Variants in AKR1D1 observed in about 807,000 individuals in gnomAD.
AKR1D1 encodes the protein delta(4)-3-ketosteroid 5-beta-reductase.
A neutral mutation model predicts 42.6 loss-of-function variants in AKR1D1; 32 were observed. The observed-to-expected ratio is 0.75, with a 90% confidence interval of 0.57 to 1.01. The LOEUF is 1.01. AKR1D1 is among the 50% of genes least tolerant of loss of function. The pLI is 0.00. For synonymous variants in AKR1D1, 123 were observed against 135.5 expected, an observed-to-expected ratio of 0.91 and a Z score of 0.64; for missense variants, 364 against 402.2, an observed-to-expected ratio of 0.91 and a Z score of 0.81.
intron 3 of AKR1D1, among the ~76,000 whole-genome samples, chr7:138,093,960 A>ATTT (rs1794136425): frequency 6.6e-6 from 1 of 152,204 alleles, no homozygotes; most frequent in Admixed American, 6.5e-5. Context: ...AAATGTCATT[A>ATTT]TGCAGCACAT....
At chr7:138,114,326 C>G (rs1794591747) in intron 8 of AKR1D1, among the ~76,000 whole-genome samples, 1 of 152,102 alleles carries the variant, frequency 6.6e-6, no homozygotes, top group Admixed American at 6.6e-5. Flanking sequence ...TTCAGCTAAC[C>G]AACTGAAGTA....
rs1359767729 is a variant in AKR1D1, at chr7:138,117,806, T to A, written c.*1144T>A. The A allele has an allele frequency of 6.6e-6, 1 of 151,896 alleles. No homozygotes were observed. The highest frequency in any genetic ancestry group is 1.9e-4 in the East Asian group (1 of 5,170). The allele number at this position is 151,896 out of a possible 1,614,324, so 9.4% of individuals were successfully genotyped here. Reference sequence around the variant, plus strand: ...AGGCCAAGGTGGGCAGATCAGGAGGTCAGGAGATCGAGACCATCTTGGCTA... The same window carrying A: ...AGGCCAAGGTGGGCAGATCAGGAGGACAGGAGATCGAGACCATCTTGGCTA... On this transcript the variant is annotated 3_prime_UTR_variant, in exon 9 of 9. Coordinates refer to ENST00000242375, the MANE Select transcript of AKR1D1 (RefSeq NM_005989.4).
intron 4 of AKR1D1, among the ~76,000 whole-genome samples, chr7:138,099,992 C>T (rs779892264): frequency 4.9e-5 from 7 of 141,936 alleles, no homozygotes; most frequent in Non-Finnish European, 1.1e-4. Context: ...GTGGGAGGAC[C>T]ACTTGAGGCC....
intron 1 of AKR1D1, among the ~76,000 whole-genome samples, chr7:138,082,694 C>T (rs1219104972): frequency 6.6e-6 from 1 of 152,164 alleles, no homozygotes; most frequent in Non-Finnish European, 1.5e-5. Context: ...CAGCCTCAAG[C>T]TTATTTCTTT....
rs1422100702 is a variant in AKR1D1 at position 138,112,618 on chromosome 7, G to A, written c.856-1072G>A. On this transcript the variant is annotated intron_variant, in intron 7 of 8. Coordinates refer to ENST00000242375, the MANE Select transcript of AKR1D1 (RefSeq NM_005989.4). ...AAGGGAAATAAGAATGGGGTGATGA[G>A]TGACAAGATTTTCATTATTTATTCC... 3.3e-5 allele frequency among the ~76,000 whole-genome samples: 5 copies of A among 152,116 alleles called. No homozygotes were observed. The East Asian group carries it at 9.6e-4, about 29-fold the overall frequency.
At chr7:138,095,168 T>C (rs1163227920) in intron 3 of AKR1D1, among the ~76,000 whole-genome samples, 2 of 152,150 alleles carry the variant, frequency 1.3e-5, no homozygotes, top group Non-Finnish European at 2.9e-5. Flanking sequence ...AACCACCTGA[T>C]TAGAATCTGG....
chr7:138,114,210 C>A (rs1794589467), intron 8 of AKR1D1, among the ~76,000 whole-genome samples: 1 of 152,066 alleles, frequency 6.6e-6, no homozygotes, highest in Non-Finnish European at 1.5e-5. Context: ...AGATTGAAAC[C>A]AAGAACTTAG....
chr7:138,105,470 G>T, intron 5 of AKR1D1, 41 bp downstream of exon 5: 24 of 1,612,594 alleles, frequency 1.5e-5, no homozygotes, highest in Non-Finnish European at 2.0e-5. Context: ...GGGAGTGGGG[G>T]CAGGATTTAC....
At chr7:138,103,013 T>C (rs778897628) in intron 4 of AKR1D1, among the ~76,000 whole-genome samples, 5 of 152,192 alleles carry the variant, frequency 3.3e-5, no homozygotes, top group Non-Finnish European at 7.3e-5. Context: ...ATTTTACAGG[T>C]GTATGCACAC....
At chr7:138,098,089 A>G in intron 4 of AKR1D1, 146 bp downstream of exon 4, 1 of 690,520 alleles carries the variant, frequency 1.4e-6, no homozygotes, top group South Asian at 1.7e-5. Context: ...CCATAAGTAC[A>G]GGTATATGAA....
intron 1 of AKR1D1, among the ~76,000 whole-genome samples, chr7:138,082,193 C>T (rs977605349): frequency 2.0e-5 from 3 of 152,186 alleles, no homozygotes; most frequent in Non-Finnish European, 4.4e-5. Flanking sequence ...CGATATGCTA[C>T]TGATGCGTCC....
At chr7:138,077,402 T>C (rs558473434) in intron 1 of AKR1D1, among the ~76,000 whole-genome samples, 6 of 152,280 alleles carry the variant, frequency 3.9e-5, no homozygotes, top group African/African-American at 2.4e-5. Context: ...ACTCACTCAC[T>C]ATCCTGAGAA....
chr7:138,104,110 C>G (rs1331978822), intron 4 of AKR1D1, among the ~76,000 whole-genome samples: 1 of 152,030 alleles, frequency 6.6e-6, no homozygotes, highest in Non-Finnish European at 1.5e-5. Flanking sequence ...AGCACTCCAG[C>G]CTGGGTGACA....
At chr7:138,095,793 T>C (rs1453630841) in intron 3 of AKR1D1, among the ~76,000 whole-genome samples, 1 of 151,088 alleles carries the variant, frequency 6.6e-6, no homozygotes, top group South Asian at 2.1e-4. Context: ...CCCAAAATAC[T>C]GGGATTATAG....
chr7:138,087,754 G>A (rs1793964156), intron 1 of AKR1D1, among the ~76,000 whole-genome samples: 1 of 152,054 alleles, frequency 6.6e-6, no homozygotes, highest in African/African-American at 2.4e-5. Flanking sequence ...TGTCACCACA[G>A]ACTATGATTC....
chr7:138,113,489 C>T (rs1019100339), intron 7 of AKR1D1, among the ~76,000 whole-genome samples: 6 of 152,088 alleles, frequency 3.9e-5, no homozygotes, highest in African/African-American at 1.4e-4. Context: ...TGTAAGATGT[C>T]CCCAGAAAGA....
At chr7:138,105,861 G>A (rs537290837) in intron 5 of AKR1D1, among the ~76,000 whole-genome samples, 10 of 152,102 alleles carry the variant, frequency 6.6e-5, no homozygotes, top group African/African-American at 2.4e-4. Flanking sequence ...CTCCAGCCTG[G>A]GCGACAGAGT....
At chr7:138,093,927 T>C (rs1794136067) in intron 3 of AKR1D1, among the ~76,000 whole-genome samples, 1 of 152,214 alleles carries the variant, frequency 6.6e-6, no homozygotes, top group Admixed American at 6.5e-5. Flanking sequence ...GCCACCATCA[T>C]ACATGCAGTC....
intron 1 of AKR1D1, among the ~76,000 whole-genome samples, chr7:138,076,906 A>T (rs753793307): frequency 2.0e-5 from 3 of 152,162 alleles, no homozygotes; most frequent in Non-Finnish European, 4.4e-5. Context: ...AGCCACATGA[A>T]ATTCGTGTGT....
Sources: gnomAD v4.1 joint callset for allele counts (sites outside exome capture counted in the v4.1 genomes callset) on GRCh38, gnomAD v4.1.1 for gene constraint, MANE v1.5 for transcripts, NCBI Gene and HGNC (gene_info 2026-07-23, HGNC 2026-07-21) for gene names.